Variants in FRMD4A observed in about 807,000 individuals in gnomAD.
FRMD4A encodes FERM domain-containing protein 4A.
Under a neutral mutation model 129.1 loss-of-function variants are expected in FRMD4A, and 29 were observed. The observed-to-expected ratio is 0.22, with a 90% CI of 0.17 to 0.31. The LOEUF (loss-of-function observed/expected upper bound fraction) is 0.31, where lower values mean the gene tolerates loss of function less well. FRMD4A is among the 10% of genes least tolerant of loss of function. The pLI, the probability that FRMD4A is intolerant of heterozygous loss-of-function variation, is 1.00. For synonymous variants in FRMD4A, 634 were observed against 571.6 expected, an observed-to-expected ratio of 1.11 and a Z score of -1.56; for missense variants, 1,272 against 1,375.8, an observed-to-expected ratio of 0.92 and a Z score of 1.19.
rs1261808087 is a variant in FRMD4A, at chr10:13,858,827, G to A, written c.111+20C>T. On this transcript the variant is annotated intron_variant, in intron 3 of 24. Coordinates refer to ENST00000357447, the MANE Select transcript of FRMD4A (RefSeq NM_018027.5). Reference sequence around the variant, plus strand: ...ATCAGTCACCAAAGAAACTCAGAAAGTTGACCAAAAGCGATTTACCTGTAC... The same window carrying A: ...ATCAGTCACCAAAGAAACTCAGAAAATTGACCAAAAGCGATTTACCTGTAC... The A allele has an allele frequency of 6.7e-7, 1 of 1,484,562 alleles. No homozygotes were observed. The highest frequency in any genetic ancestry group is 9.4e-7 in the Non-Finnish European group (1 of 1,061,802). 92.0% of individuals were successfully genotyped at this position (1,484,562 alleles called of 1,614,324 possible).
intron 2 of FRMD4A, among the ~76,000 whole-genome samples, chr10:14,226,374 G>A (rs754492979): frequency 2.0e-5 from 3 of 152,162 alleles, no homozygotes; most frequent in Non-Finnish European, 4.4e-5. Context: ...AAGTTGACAT[G>A]TTAAAAATTG....
intron 2 of FRMD4A, among the ~76,000 whole-genome samples, chr10:13,916,522 C>T (rs2095008752): frequency 6.6e-6 from 1 of 152,172 alleles, no homozygotes; most frequent in Non-Finnish European, 1.5e-5. Flanking sequence ...GTCTCTATTT[C>T]ACCTAGTCCC....
At chr10:14,077,995 A>G (rs1197080994) in intron 2 of FRMD4A, among the ~76,000 whole-genome samples, 2 of 152,218 alleles carry the variant, frequency 1.3e-5, no homozygotes, top group African/African-American at 2.4e-5. Context: ...AGGTAAACTC[A>G]ATTGTGAAAA....
chr10:14,155,653 G>A (rs529544824), intron 2 of FRMD4A, among the ~76,000 whole-genome samples: 1 of 152,260 alleles, frequency 6.6e-6, no homozygotes, highest in African/African-American at 2.4e-5. Flanking sequence ...CGCATACAAT[G>A]CAATGCCACT....
intron 2 of FRMD4A, among the ~76,000 whole-genome samples, chr10:14,194,579 C>T (rs1169700741): frequency 6.6e-6 from 1 of 152,128 alleles, no homozygotes; most frequent in Admixed American, 6.5e-5. Flanking sequence ...CCACTGCACT[C>T]TCGCCTGGGC....
At chr10:14,167,867 C>T (rs12260694) in intron 2 of FRMD4A, among the ~76,000 whole-genome samples, 1,634 of 152,188 alleles carry the variant, frequency 0.011, 28 homozygotes, top group African/African-American at 0.038. Flanking sequence ...GTACGCCAGG[C>T]TCAGGGAGCT....
In FRMD4A at chr10:13,956,151, C is replaced by CT. The variant is rs1366930294; in HGVS notation, c.46-97240dup. Among the ~76,000 whole-genome samples, 15 of 152,032 alleles carry CT rather than the reference C, an allele frequency of 9.9e-5. No individual in the cohort carries two copies. The East Asian group carries it at 2.5e-3, about 25-fold the overall frequency. On this transcript the variant is annotated intron_variant, in intron 2 of 24. Coordinates refer to ENST00000357447, the MANE Select transcript of FRMD4A (RefSeq NM_018027.5). ...TGATTTAGGTAGAATTCTTTTTTTT[C>CT]TTTTTTTCTTTTGTTTTTTTAGACA...
chr10:14,290,788 G>A (rs2026753), intron 2 of FRMD4A, among the ~76,000 whole-genome samples: 51,237 of 151,802 alleles, frequency 0.34, 8,862 homozygotes, highest in Middle Eastern at 0.37. Flanking sequence ...ACACTTTTAA[G>A]CCCACTCTCT....
chr10:13,750,529 C>T (rs1163989444), intron 8 of FRMD4A, among the ~76,000 whole-genome samples: 1 of 152,162 alleles, frequency 6.6e-6, no homozygotes, highest in Non-Finnish European at 1.5e-5. Context: ...TAAAGGCACC[C>T]TTGGGCTCTG....
intron 2 of FRMD4A, among the ~76,000 whole-genome samples, chr10:14,277,840 G>A (rs1003916093): frequency 8.5e-5 from 13 of 152,194 alleles, no homozygotes; most frequent in South Asian, 2.1e-4. Flanking sequence ...GGGGAGCTCC[G>A]GCATTCTCTG....
At chr10:13,869,568 G>A (rs574489807) in intron 2 of FRMD4A, among the ~76,000 whole-genome samples, 1 of 152,382 alleles carries the variant, frequency 6.6e-6, no homozygotes, top group East Asian at 1.9e-4. Flanking sequence ...ATGGGCCCCA[G>A]AATTAGGTCC....
At chr10:14,002,191 A>G (rs1192626694) in intron 2 of FRMD4A, among the ~76,000 whole-genome samples, 2 of 152,186 alleles carry the variant, frequency 1.3e-5, no homozygotes, top group East Asian at 1.9e-4. Flanking sequence ...CCTTTCACCT[A>G]AAGTATTGGA....
intron 2 of FRMD4A, among the ~76,000 whole-genome samples, chr10:14,135,964 C>T (rs935342453): frequency 1.3e-5 from 2 of 152,116 alleles, no homozygotes; most frequent in Non-Finnish European, 2.9e-5. Context: ...CTAAACATAC[C>T]GTGGTTCCCC....
intron 2 of FRMD4A, among the ~76,000 whole-genome samples, chr10:13,990,805 A>T (rs1181689791): frequency 6.6e-6 from 1 of 152,164 alleles, no homozygotes; most frequent in African/African-American, 2.4e-5. Flanking sequence ...CTGCGAGTCA[A>T]CCTGATCACC....
chr10:13,730,663 C>T (rs1225802731), intron 12 of FRMD4A, among the ~76,000 whole-genome samples: 3 of 151,990 alleles, frequency 2.0e-5, no homozygotes, highest in Non-Finnish European at 4.4e-5. Flanking sequence ...CACATATGCA[C>T]ATGCTAAAAT....
chr10:13,749,189 G>C (rs542300893), intron 8 of FRMD4A, among the ~76,000 whole-genome samples: 2 of 152,156 alleles, frequency 1.3e-5, no homozygotes. Flanking sequence ...AGCCTTAGCC[G>C]GGGTTGCAAA....
chr10:13,872,081 T>C (rs942564371), intron 2 of FRMD4A, among the ~76,000 whole-genome samples: 2 of 152,200 alleles, frequency 1.3e-5, no homozygotes, highest in Non-Finnish European at 2.9e-5. Context: ...ACGCTGCACA[T>C]AAAAAGTGCA....
At chr10:13,713,258 A>G (rs1052379080) in intron 12 of FRMD4A, among the ~76,000 whole-genome samples, 3 of 152,208 alleles carry the variant, frequency 2.0e-5, no homozygotes, top group Non-Finnish European at 2.9e-5. Context: ...CAGTAGAGAG[A>G]GGTTAAGGGA....
chr10:13,729,416 T>A (rs910137917), intron 12 of FRMD4A: 1 of 152,138 alleles, frequency 6.6e-6, no homozygotes, highest in Admixed American at 6.5e-5. Flanking sequence ...AAGAGAACGA[T>A]AAATCCGCGG....
Sources: allele counts gnomAD v4.1 joint callset (sites outside exome capture counted in the v4.1 genomes callset), GRCh38; gene constraint gnomAD v4.1.1; transcripts MANE v1.5; gene names NCBI Gene and HGNC (gene_info 2026-07-23, HGNC 2026-07-21).